ATRNL1: variants seen among roughly 807,000 people sequenced by gnomAD.
The protein encoded by ATRNL1 is attractin like 1.
In ATRNL1, 95 loss-of-function variants were observed where a neutral mutation model predicts 182.7. The ratio of observed to expected loss-of-function variants is 0.52; its 90% confidence interval spans 0.44 to 0.62. The LOEUF is 0.62. ATRNL1 is among the 20% of genes least tolerant of loss of function. ATRNL1 has a pLI of 0.00. For synonymous variants in ATRNL1, 576 were observed against 568.3 expected (o/e 1.01, Z -0.19); for missense variants, 1,471 against 1,679.5 (o/e 0.88, Z 2.17).
intron 13 of ATRNL1, among the ~76,000 whole-genome samples, chr10:115,275,764 C>T (rs1852077419): frequency 1.3e-5 from 2 of 152,244 alleles, no homozygotes; most frequent in Admixed American, 1.3e-4. Flanking sequence ...GTCTTCTGGA[C>T]CCTCTCAGTG....
chr10:115,379,053 C>G (rs116239716), intron 19 of ATRNL1, among the ~76,000 whole-genome samples: 2 of 151,888 alleles, frequency 1.3e-5, no homozygotes, highest in African/African-American at 4.8e-5. Flanking sequence ...TAAACAACTT[C>G]TTTCAATAAC....
At chr10:115,135,634 C>T (rs1554876443) in intron 5 of ATRNL1, among the ~76,000 whole-genome samples, 1 of 152,182 alleles carries the variant, frequency 6.6e-6, no homozygotes, top group Non-Finnish European at 1.5e-5. Context: ...AGATCAGTGC[C>T]ATCCCCATGA....
intron 28 of ATRNL1, among the ~76,000 whole-genome samples, chr10:115,860,601 C>T (rs1951293117): frequency 6.6e-6 from 1 of 152,086 alleles, no homozygotes. Flanking sequence ...ACTGCAGAAA[C>T]ACAGAGCTAG....
chr10:115,692,210 A>G (rs1946416018), intron 26 of ATRNL1, among the ~76,000 whole-genome samples: 1 of 152,214 alleles, frequency 6.6e-6, no homozygotes, highest in Non-Finnish European at 1.5e-5. Flanking sequence ...TGGCTATTAA[A>G]CAACTGAACT....
chr10:115,821,397 C>A (rs891130830), intron 27 of ATRNL1, among the ~76,000 whole-genome samples: 1 of 152,094 alleles, frequency 6.6e-6, no homozygotes, highest in South Asian at 2.1e-4. Context: ...GTGGTTGGTA[C>A]TGGTTTTTCC....
intron 17 of ATRNL1, among the ~76,000 whole-genome samples, chr10:115,307,934 G>A (rs797026347): frequency 7.0e-5 from 6 of 85,258 alleles, no homozygotes; most frequent in African/African-American, 1.4e-4. Flanking sequence ...TTACATTATC[G>A]TTTTCTACTA....
At chr10:115,667,325 A>C (rs1050572373) in intron 26 of ATRNL1, among the ~76,000 whole-genome samples, 3 of 152,160 alleles carry the variant, frequency 2.0e-5, no homozygotes, top group African/African-American at 2.4e-5. Flanking sequence ...TTAATGACTT[A>C]AAACAACAAT....
intron 21 of ATRNL1, among the ~76,000 whole-genome samples, chr10:115,455,042 A>G (rs1229932518): frequency 6.6e-6 from 1 of 152,120 alleles, no homozygotes; most frequent in Admixed American, 6.6e-5. Context: ...CTATTCACAT[A>G]TGATCTCTGT....
intron 21 of ATRNL1, among the ~76,000 whole-genome samples, chr10:115,453,534 A>T (rs1015492188): frequency 6.6e-6 from 1 of 151,746 alleles, no homozygotes; most frequent in Non-Finnish European, 1.5e-5. Context: ...TTTTAGTTTG[A>T]TGTAATTTCA....
At chr10:115,323,242 A>G (rs1169677406) in intron 18 of ATRNL1, among the ~76,000 whole-genome samples, 2 of 151,258 alleles carry the variant, frequency 1.3e-5, no homozygotes, top group Admixed American at 6.6e-5. Flanking sequence ...CTTGCTGATT[A>G]TTTTTCTACC....
At chr10:115,487,539 T>C (rs1849083864) in intron 24 of ATRNL1, among the ~76,000 whole-genome samples, 1 of 151,192 alleles carries the variant, frequency 6.6e-6, no homozygotes, top group African/African-American at 2.4e-5. Context: ...TTGACTGTTA[T>C]TGGTGTATAG....
intron 1 of ATRNL1, among the ~76,000 whole-genome samples, chr10:115,094,577 A>G (rs923862358): frequency 6.6e-6 from 1 of 152,162 alleles, no homozygotes. Flanking sequence ...TTTATGATGG[A>G]CTTGCTAAGT....
intron 28 of ATRNL1, among the ~76,000 whole-genome samples, chr10:115,876,398 T>C (rs1256768826): frequency 6.6e-6 from 1 of 152,188 alleles, no homozygotes; most frequent in Non-Finnish European, 1.5e-5. Context: ...AAGTCTTTTG[T>C]TATTCTATTT....
At chr10:115,375,462 G>C (rs1354810759) in intron 19 of ATRNL1, among the ~76,000 whole-genome samples, 3 of 151,964 alleles carry the variant, frequency 2.0e-5, no homozygotes, top group Admixed American at 1.3e-4. Context: ...ATCCATGTAA[G>C]TTTAAAGTAA....
At chr10:115,337,976 T>G (rs551998818) in intron 19 of ATRNL1, among the ~76,000 whole-genome samples, 1 of 152,236 alleles carries the variant, frequency 6.6e-6, no homozygotes, top group African/African-American at 2.4e-5. Flanking sequence ...TAGTTCACAG[T>G]AGGGTTTGAG....
At chr10:115,222,253 A>G (rs1849496497) in intron 9 of ATRNL1, among the ~76,000 whole-genome samples, 2 of 152,170 alleles carry the variant, frequency 1.3e-5, no homozygotes, top group Admixed American at 1.3e-4. Context: ...TCAGAAGGAA[A>G]CATCCAGAAG....
intron 26 of ATRNL1, among the ~76,000 whole-genome samples, chr10:115,639,914 A>C (rs79802839): frequency 6.6e-6 from 1 of 152,042 alleles, no homozygotes; most frequent in Non-Finnish European, 1.5e-5. Context: ...ATCAACCGTC[A>C]TCTAGGTTTT....
intron 21 of ATRNL1, among the ~76,000 whole-genome samples, chr10:115,443,551 A>C (rs1846806144): frequency 6.6e-6 from 1 of 151,708 alleles, no homozygotes; most frequent in Non-Finnish European, 1.5e-5. Flanking sequence ...TAAGCCTTTT[A>C]TAGCTTTTTT....
chr10:115,923,828 T>C (rs1188975066), intron 28 of ATRNL1, among the ~76,000 whole-genome samples: 1 of 152,142 alleles, frequency 6.6e-6, no homozygotes, highest in Non-Finnish European at 1.5e-5. Context: ...AGGAATCGCC[T>C]ACTGTCTTCC....
Sources: allele counts gnomAD v4.1 joint callset (sites outside exome capture counted in the v4.1 genomes callset), GRCh38; gene constraint gnomAD v4.1.1; transcripts MANE v1.5; gene names NCBI Gene and HGNC (gene_info 2026-07-23, HGNC 2026-07-21).